The following PTK2 variants were observed in gnomAD, a reference collection of about 807,000 sequenced individuals.
PTK2 encodes focal adhesion kinase 1.
In PTK2, 45 loss-of-function variants were observed where a neutral mutation model predicts 150.1. That is an observed-to-expected ratio of 0.30 (90% CI 0.24 to 0.38). The LOEUF is 0.38. Ranked by LOEUF, PTK2 falls within the 10% of genes least tolerant of loss-of-function variation. The pLI is 1.00. For missense variants in PTK2, 919 were observed against 1,307.3 expected (o/e 0.70, Z 4.58); for synonymous variants, 432 against 449.2 (o/e 0.96, Z 0.48).
At chr8:140,888,802 GA>G (rs2100153212) in intron 3 of PTK2, among the ~76,000 whole-genome samples, 1 of 152,122 alleles carries the variant, frequency 6.6e-6, no homozygotes, top group Non-Finnish European at 1.5e-5. Flanking sequence ...CATAATCTTT[GA>G]AAGGTTTCCC....
At chr8:140,901,041 T>C (rs1296825876) in intron 2 of PTK2, among the ~76,000 whole-genome samples, 2 of 152,018 alleles carry the variant, frequency 1.3e-5, no homozygotes, top group African/African-American at 4.8e-5. Context: ...ATCAGCATGG[T>C]ACAGGCATAA....
intron 23 of PTK2, among the ~76,000 whole-genome samples, chr8:140,706,736 G>A (rs2100034022): frequency 6.6e-6 from 1 of 152,124 alleles, no homozygotes; most frequent in Non-Finnish European, 1.5e-5. Context: ...TATATGTAAA[G>A]TCCAGAGACA....
intron 1 of PTK2, among the ~76,000 whole-genome samples, chr8:140,995,183 A>G (rs2100197157): frequency 6.6e-6 from 1 of 151,906 alleles, no homozygotes; most frequent in African/African-American, 2.4e-5. Flanking sequence ...GATCAAGACC[A>G]TCCTGGCCAA....
intron 11 of PTK2, 52 bp from the exon 12 acceptor site, chr8:140,800,628 A>C: frequency 7.1e-7 from 1 of 1,401,142 alleles, no homozygotes; most frequent in South Asian, 1.2e-5. Flanking sequence ...CCCAGTAAGC[A>C]AAGGACAGCT....
At chr8:140,746,218 G>A (rs2100058643) in intron 18 of PTK2, among the ~76,000 whole-genome samples, 1 of 152,084 alleles carries the variant, frequency 6.6e-6, no homozygotes, top group Non-Finnish European at 1.5e-5. Flanking sequence ...TGTAGTCCCA[G>A]CAACTCGGGA....
At chr8:140,981,939 T>G (rs577604233) in intron 1 of PTK2, among the ~76,000 whole-genome samples, 50 of 152,298 alleles carry the variant, frequency 3.3e-4, no homozygotes, top group African/African-American at 1.1e-3. Context: ...AGGTAGAGAT[T>G]ATCTCTACCT....
chr8:140,926,082 A>G (rs376076867), intron 1 of PTK2, among the ~76,000 whole-genome samples: 154 of 152,306 alleles, frequency 1.0e-3, no homozygotes, highest in African/African-American at 3.4e-3. Context: ...TAAATTCACA[A>G]TATCGCAGAA....
rs139488475 is a variant in PTK2, at chr8:140,925,444, T to C, written c.-33+217A>G. The C allele has an allele frequency of 2.8e-4, 43 of 155,958 alleles. No homozygotes were observed. In the East Asian group the frequency reaches 6.5e-3, roughly 24 times the overall value. The allele number at this position is 155,958 out of a possible 1,614,324, so 9.7% of individuals were successfully genotyped here. A position where few individuals can be genotyped will look rare whatever the true frequency, so the allele number is the denominator to read the frequency against. On this transcript the variant is annotated intron_variant, in intron 2 of 31. Coordinates refer to ENST00000522684, the Ensembl canonical transcript of PTK2. ...CAGTAAGATTACTAATTACCATTCC[T>C]GTCATTTTGTCTTGCTGTTTCCACC... is the stretch of plus-strand genomic sequence containing the variant.
chr8:140,758,029 T>C (rs1236493196), intron 16 of PTK2, among the ~76,000 whole-genome samples: 1 of 152,158 alleles, frequency 6.6e-6, no homozygotes, highest in East Asian at 1.9e-4. Flanking sequence ...GTGTATTTAC[T>C]ATACTTTGTT....
exon 20 of PTK2, chr8:140,743,252 C>G: frequency 1.2e-6 from 2 of 1,608,354 alleles, no homozygotes; most frequent in Non-Finnish European, 1.7e-6. Flanking sequence ...TACTATCTTC[C>G]ATATATCGGG....
At chr8:140,660,711 G>A (rs1021822288) in intron 31 of PTK2, 2 of 436,038 alleles carry the variant, frequency 4.6e-6, no homozygotes, top group African/African-American at 4.0e-5. Flanking sequence ...GGGTGACAGA[G>A]CCAGACCATT....
chr8:140,731,864 C>T (rs2100049612), intron 22 of PTK2, among the ~76,000 whole-genome samples: 1 of 152,098 alleles, frequency 6.6e-6, no homozygotes, highest in Non-Finnish European at 1.5e-5. Context: ...GATGGTGCCA[C>T]CGCACTCTAG....
intron 24 of PTK2, among the ~76,000 whole-genome samples, chr8:140,704,455 A>G (rs2100032543): frequency 6.6e-6 from 1 of 152,234 alleles, no homozygotes; most frequent in Admixed American, 6.5e-5. Flanking sequence ...ACAGCCACTA[A>G]CAAACACGTA....
rs1555505569 is a variant in PTK2 at position 140,989,212 on chromosome 8, T to TAGAAA, written c.-122+11912_-122+11913insTTTCT. Among the ~76,000 whole-genome samples the TAGAAA allele has an allele frequency of 5.0e-5, 3 of 60,582 alleles. No individual in the cohort carries two copies. In the East Asian group the frequency reaches 1.4e-3, roughly 29 times the overall value. 39.7% of individuals were successfully genotyped at this position (60,582 alleles called of 152,430 possible). A position where few individuals can be genotyped will look rare whatever the true frequency, so the allele number is the denominator to read the frequency against. ...GGGCAACATAGGAAGACCCTGTCTCTAAAAAAAAAAAAAAAAAAAAAAAAA... is the reference window on the plus strand; with the variant it reads ...GGGCAACATAGGAAGACCCTGTCTCTAGAAAAAAAAAAAAAAAAAAAAAAAAAAAA... On this transcript the variant is annotated intron_variant, in intron 1 of 31. Coordinates refer to ENST00000522684, the Ensembl canonical transcript of PTK2.
At chr8:140,857,504 T>C (rs997634134) in intron 5 of PTK2, among the ~76,000 whole-genome samples, 9 of 152,212 alleles carry the variant, frequency 5.9e-5, no homozygotes, top group Non-Finnish European at 1.3e-4. Flanking sequence ...ACCTGCTATA[T>C]AAACCAGGAC....
At chr8:140,796,946 A>G (rs1343135664) in intron 12 of PTK2, among the ~76,000 whole-genome samples, 1 of 152,172 alleles carries the variant, frequency 6.6e-6, no homozygotes, top group African/African-American at 2.4e-5. Flanking sequence ...GCTGCATAGT[A>G]TTACATCATG....
chr8:140,764,187 A>G, intron 15 of PTK2, 47 bp downstream of exon 17: 1 of 1,446,922 alleles, frequency 6.9e-7, no homozygotes, highest in South Asian at 1.1e-5. Flanking sequence ...AAATGCAAGG[A>G]GGCATCTGTC....
intron 8 of PTK2, among the ~76,000 whole-genome samples, chr8:140,820,130 C>T (rs1411732296): frequency 3.1e-5 from 3 of 97,580 alleles, no homozygotes; most frequent in Non-Finnish European, 5.9e-5. Context: ...AATAGGGTCT[C>T]ACTCTGTCGC....
chr8:140,876,007 C>T (rs960429097), intron 4 of PTK2, among the ~76,000 whole-genome samples: 2 of 152,134 alleles, frequency 1.3e-5, no homozygotes, highest in Non-Finnish European at 2.9e-5. Flanking sequence ...CCTAATGATG[C>T]TTTAAAAGAT....
Sources: allele counts gnomAD v4.1 joint callset (sites outside exome capture counted in the v4.1 genomes callset), GRCh38; gene constraint gnomAD v4.1.1; transcripts MANE v1.5; gene names NCBI Gene and HGNC (gene_info 2026-07-23, HGNC 2026-07-21).